Variants in AFF3 observed in about 807,000 individuals in gnomAD.
AFF3 encodes ALF transcription elongation factor 3.
AFF3 carries 32 observed loss-of-function variants against 129.7 expected under a neutral mutation model. That is an observed-to-expected ratio of 0.25 (90% CI 0.19 to 0.33). The LOEUF (loss-of-function observed/expected upper bound fraction) is 0.33. Among genes scored for constraint, AFF3 ranks in the 10% least tolerant of loss-of-function variants. The pLI is 1.00. For missense variants in AFF3, 1,373 were observed against 1,592.0 expected (o/e 0.86, Z 2.34); for synonymous variants, 644 against 635.4 (o/e 1.01, Z -0.20).
intron 4 of AFF3, among the ~76,000 whole-genome samples, chr2:100,070,398 A>G (rs1416683931): frequency 6.6e-6 from 1 of 152,208 alleles, no homozygotes; most frequent in Admixed American, 6.5e-5. Context: ...GCATTTTTAG[A>G]AGATACAACA....
intron 4 of AFF3, among the ~76,000 whole-genome samples, chr2:100,025,637 G>T (rs1234964058): frequency 6.6e-6 from 1 of 152,138 alleles, no homozygotes; most frequent in Non-Finnish European, 1.5e-5. Flanking sequence ...CACACTACCT[G>T]ATTTCAAACT....
At chr2:99,859,672 C>T (rs1476829648) in intron 7 of AFF3, among the ~76,000 whole-genome samples, 3 of 152,178 alleles carry the variant, frequency 2.0e-5, no homozygotes, top group Non-Finnish European at 4.4e-5. Flanking sequence ...TTTTTCATCA[C>T]ATGAAAGGTC....
intron 7 of AFF3, among the ~76,000 whole-genome samples, chr2:99,996,830 G>A (rs1044469396): frequency 2.6e-5 from 4 of 151,952 alleles, no homozygotes; most frequent in Non-Finnish European, 4.4e-5. Flanking sequence ...CCAAGTAGAC[G>A]TTGGCCCCAA....
intron 12 of AFF3, among the ~76,000 whole-genome samples, chr2:99,653,137 C>A (rs72817046): frequency 0.036 from 5,426 of 152,272 alleles, 147 homozygotes; most frequent in Non-Finnish European, 0.05. Context: ...AGATGGCTTT[C>A]GCTTTAGGCC....
intron 8 of AFF3, among the ~76,000 whole-genome samples, chr2:99,831,371 GA>G (rs888145657): frequency 1.3e-5 from 2 of 152,140 alleles, no homozygotes; most frequent in Non-Finnish European, 2.9e-5. Context: ...GAACAAGAAA[GA>G]AAAAATAAAA....
At position 100,057,344 on chromosome 2, in the gene AFF3, A is replaced by C. The variant is rs944471718; in HGVS notation, c.53+47058T>G. ...TCAAAAAAAAAAAAAAAAAAAAAAA[A>C]CTCTAGCCACACTGGATTCATATCC... On this transcript the variant is annotated intron_variant, in intron 4 of 24. Coordinates refer to ENST00000672756, the MANE Select transcript of AFF3 (RefSeq NM_001386135.1). Among the ~76,000 whole-genome samples the C allele has an allele frequency of 4.0e-5, 6 of 149,696 alleles. No homozygotes were observed. In the South Asian group the frequency reaches 1.3e-3, roughly 32 times the overall value.
chr2:99,974,110 G>A (rs898471460), intron 7 of AFF3, among the ~76,000 whole-genome samples: 1 of 152,208 alleles, frequency 6.6e-6, no homozygotes, highest in Non-Finnish European at 1.5e-5. Flanking sequence ...GTAAATGAAA[G>A]TCAAATGCAT....
chr2:100,126,867 C>G (rs1692215251), intron 2 of AFF3, among the ~76,000 whole-genome samples: 1 of 152,046 alleles, frequency 6.6e-6, no homozygotes. Flanking sequence ...TATTTAAGTT[C>G]TTTCAAAATG....
At chr2:99,662,994 G>A (rs1482078233) in intron 12 of AFF3, among the ~76,000 whole-genome samples, 1 of 152,176 alleles carries the variant, frequency 6.6e-6, no homozygotes, top group Non-Finnish European at 1.5e-5. Context: ...GATCAACCAA[G>A]CTGATCCTGA....
intron 7 of AFF3, among the ~76,000 whole-genome samples, chr2:99,909,979 G>A (rs1042116059): frequency 5.9e-5 from 9 of 151,934 alleles, no homozygotes; most frequent in Admixed American, 5.9e-4. Flanking sequence ...GACATTATTT[G>A]GAGATAGGGT....
chr2:99,702,906 T>C (rs1677007000), intron 11 of AFF3, among the ~76,000 whole-genome samples: 1 of 152,248 alleles, frequency 6.6e-6, no homozygotes, highest in African/African-American at 2.4e-5. Flanking sequence ...AAAAGGTTTT[T>C]AATATTGATG....
chr2:99,723,926 C>G (rs370873654), intron 11 of AFF3, among the ~76,000 whole-genome samples: 5 of 152,092 alleles, frequency 3.3e-5, no homozygotes, highest in African/African-American at 4.8e-5. Flanking sequence ...TGGGAGGAGA[C>G]GGTCACCTAC....
intron 12 of AFF3, among the ~76,000 whole-genome samples, chr2:99,669,390 G>T (rs180748384): frequency 1.9e-3 from 288 of 152,260 alleles, no homozygotes; most frequent in African/African-American, 6.5e-3. Flanking sequence ...CAATGAAAAT[G>T]AACAAACTTC....
intron 11 of AFF3, among the ~76,000 whole-genome samples, chr2:99,684,563 T>A (rs1674856734): frequency 6.6e-6 from 1 of 152,126 alleles, no homozygotes; most frequent in Non-Finnish European, 1.5e-5. Context: ...GAGCTATTTA[T>A]TGGCTGGAGA....
At chr2:99,953,402 C>T (rs1044945888) in intron 7 of AFF3, among the ~76,000 whole-genome samples, 5 of 152,304 alleles carry the variant, frequency 3.3e-5, no homozygotes, top group Admixed American at 6.5e-5. Flanking sequence ...AGACTCACCC[C>T]AACACTCACA....
chr2:99,740,591 T>G (rs902858483), intron 10 of AFF3, among the ~76,000 whole-genome samples: 33 of 151,716 alleles, frequency 2.2e-4, no homozygotes, highest in Non-Finnish European at 2.9e-4. Flanking sequence ...TCATGTGTTT[T>G]TTGGCTGCAT....
In AFF3 at chr2:100,009,957, T is replaced by C. The variant is rs182026079; in HGVS notation, c.54-1025A>G. ...GGGTTCAGTGACCTGGCCATCATTC[T>C]GCTTCCAGCTCCCACTTGGTCTAGT... On this transcript the variant is annotated intron_variant, in intron 4 of 24. Transcript: ENST00000672756. 2.2e-4 allele frequency among the ~76,000 whole-genome samples: 33 copies of C among 152,322 alleles called. No homozygotes were observed. In the East Asian group the frequency reaches 6.0e-3, roughly 28 times the overall value.
intron 14 of AFF3, 106 bp from the exon 15 acceptor site, chr2:99,594,395 GA>G: frequency 6.9e-7 from 1 of 1,457,186 alleles, no homozygotes; most frequent in Non-Finnish European, 9.2e-7. Context: ...TATATGAGCA[GA>G]AAACGAATGG....
In AFF3 at chr2:99,923,205, G is replaced by A. The variant is rs188679656; in HGVS notation, c.873+83427C>T. Reference sequence around the variant, plus strand: ...ATAAGATACACCGAGGAAATCTGAAGACAAGGCAGAATTGGGGTTCTCTTT... The same window carrying A: ...ATAAGATACACCGAGGAAATCTGAAAACAAGGCAGAATTGGGGTTCTCTTT... On this transcript the variant is annotated intron_variant, in intron 7 of 24. Coordinates refer to ENST00000672756, the MANE Select transcript of AFF3 (RefSeq NM_001386135.1). 2.2e-3 allele frequency among the ~76,000 whole-genome samples: 333 copies of A among 152,254 alleles called. 1 individual carries two copies. The highest frequency in any genetic ancestry group is 3.5e-3 in the Non-Finnish European group (238 of 68,016).
Sources: allele counts gnomAD v4.1 joint callset (sites outside exome capture counted in the v4.1 genomes callset), GRCh38; gene constraint gnomAD v4.1.1; transcripts MANE v1.5; gene names NCBI Gene and HGNC (gene_info 2026-07-23, HGNC 2026-07-21).